SETBP1: variants seen among roughly 807,000 people sequenced by gnomAD.
SETBP1 encodes the protein SET binding protein 1.
Under a neutral mutation model 101.0 loss-of-function variants are expected in SETBP1, and 9 were observed. That is an observed-to-expected ratio of 0.09 (90% CI 0.05 to 0.16). The LOEUF is 0.16. Ranked by LOEUF, SETBP1 falls within the 10% of genes least tolerant of loss-of-function variation. The pLI, the probability that SETBP1 is intolerant of heterozygous loss-of-function variation, is 1.00. For synonymous variants in SETBP1, 818 were observed against 788.5 expected (o/e 1.04, Z -0.63); for missense variants, 1,858 against 2,033.8 (o/e 0.91, Z 1.66).
intron 2 of SETBP1, among the ~76,000 whole-genome samples, chr18:44,753,332 AG>A (rs939787355): frequency 2.3e-4 from 35 of 152,302 alleles, no homozygotes; most frequent in African/African-American, 8.2e-4. Context: ...AGATCCTAGG[AG>A]GCTGGCATGA....
intron 3 of SETBP1, among the ~76,000 whole-genome samples, chr18:44,925,897 C>T (rs1352295631): frequency 6.6e-6 from 1 of 152,020 alleles, no homozygotes; most frequent in Non-Finnish European, 1.5e-5. Flanking sequence ...GTTACTTGCC[C>T]AAGGTCATGC....
chr18:44,904,254 T>TA (rs1348717003), intron 3 of SETBP1, among the ~76,000 whole-genome samples: 1 of 152,252 alleles, frequency 6.6e-6, no homozygotes, highest in Non-Finnish European at 1.5e-5. Flanking sequence ...TTTTTTTGTT[T>TA]ATGCATAAGA....
At chr18:44,765,176 G>A (rs1031684983) in intron 2 of SETBP1, among the ~76,000 whole-genome samples, 3 of 152,044 alleles carry the variant, frequency 2.0e-5, no homozygotes, top group African/African-American at 7.3e-5. Flanking sequence ...CACTTTCCTT[G>A]TGTGTTGAAT....
chr18:44,845,359 C>A (rs1316311184), intron 2 of SETBP1, among the ~76,000 whole-genome samples: 1 of 152,174 alleles, frequency 6.6e-6, no homozygotes, highest in African/African-American at 2.4e-5. Context: ...TGCCTGACTG[C>A]AGTAATTTAC....
chr18:44,951,745 T>G lies in SETBP1; in HGVS notation c.2405T>G (p.Leu802Trp). ...PASTETNFSELKTMPNLQPIS... is the reference protein window; with the variant it reads ...PASTETNFSEWKTMPNLQPIS... ...AGCACTGAAACCAATTTTTCAGAGT[T>G]GAAAACTATGCCAAATCTCCAGCCC... Residue 802 changes from leucine (L) to tryptophan (W), a missense_variant, in exon 4 of 6, where the codon TTG (leucine) becomes TGG (tryptophan). By Grantham distance (61) the Leu-to-Trp change is moderately conservative. Coordinates refer to ENST00000649279, the MANE Select transcript of SETBP1 (RefSeq NM_015559.3). The surrounding 1 kb of genome is among the most constrained non-coding windows in gnomAD (Gnocchi z 7.8). 6.2e-7 allele frequency: 1 copy of G among 1,614,124 alleles called. No individual in the cohort carries two copies. The highest frequency in any genetic ancestry group is 8.5e-7 in the Non-Finnish European group (1 of 1,180,024).
chr18:44,822,930 G>A (rs144271726), intron 2 of SETBP1, among the ~76,000 whole-genome samples: 61 of 152,236 alleles, frequency 4.0e-4, no homozygotes, highest in Middle Eastern at 3.4e-3. Flanking sequence ...ATCACCAGAG[G>A]GTCAGGAGTT....
chr18:44,724,507 C>A (rs2069666043), intron 2 of SETBP1, among the ~76,000 whole-genome samples: 1 of 152,136 alleles, frequency 6.6e-6, no homozygotes, highest in Admixed American at 6.5e-5. Context: ...TGTCTCTCAT[C>A]CACTGTGATA....
chr18:44,923,117 T>G (rs532315546), intron 3 of SETBP1, among the ~76,000 whole-genome samples: 2 of 152,352 alleles, frequency 1.3e-5, no homozygotes, highest in Non-Finnish European at 2.9e-5. Flanking sequence ...ATAGCAGTAC[T>G]GACAGCTTCA....
At chr18:44,686,117 T>G (rs1261820405) in intron 1 of SETBP1, among the ~76,000 whole-genome samples, 2 of 152,248 alleles carry the variant, frequency 1.3e-5, no homozygotes, top group Non-Finnish European at 2.9e-5. Context: ...AAAGAACTAA[T>G]AGCAGCGTTG....
intron 1 of SETBP1, among the ~76,000 whole-genome samples, chr18:44,685,813 T>G (rs965906257): frequency 6.6e-6 from 1 of 152,186 alleles, no homozygotes; most frequent in African/African-American, 2.4e-5. Flanking sequence ...GCTCCTCGTG[T>G]TCTAATAATT....
chr18:44,776,787 C>T (rs1470973797), intron 2 of SETBP1, among the ~76,000 whole-genome samples: 1 of 152,190 alleles, frequency 6.6e-6, no homozygotes, highest in Non-Finnish European at 1.5e-5. Context: ...CACATGTGTT[C>T]ACAGATGCCC....
At chr18:45,015,043 C>G (rs529882121) in intron 4 of SETBP1, among the ~76,000 whole-genome samples, 1 of 152,242 alleles carries the variant, frequency 6.6e-6, no homozygotes, top group South Asian at 2.1e-4. Flanking sequence ...GATTCCTGAT[C>G]AGTGGCGAGC....
At chr18:44,838,621 C>T (rs2072545652) in intron 2 of SETBP1, among the ~76,000 whole-genome samples, 1 of 152,192 alleles carries the variant, frequency 6.6e-6, no homozygotes. Flanking sequence ...ACAGTTTACT[C>T]CAAGGCCCTG....
intron 3 of SETBP1, among the ~76,000 whole-genome samples, chr18:44,914,113 A>G (rs1441990724): frequency 6.6e-6 from 1 of 151,948 alleles, no homozygotes; most frequent in Non-Finnish European, 1.5e-5. Context: ...CATCGTCTCT[A>G]CTCCCAGACA....
intron 3 of SETBP1, among the ~76,000 whole-genome samples, chr18:44,917,876 G>A (rs2070476059): frequency 6.6e-6 from 1 of 152,088 alleles, no homozygotes; most frequent in African/African-American, 2.4e-5. Context: ...CCGGGAGCCA[G>A]GTTTGGAGAA....
At chr18:44,848,440 T>C (rs377470215) in intron 2 of SETBP1, among the ~76,000 whole-genome samples, 2 of 152,152 alleles carry the variant, frequency 1.3e-5, no homozygotes, top group Non-Finnish European at 2.9e-5. Flanking sequence ...TTTGCTCATA[T>C]GGAAATACAC....
chr18:44,713,022 G>GATCTCTGC (rs1332885799), intron 2 of SETBP1, among the ~76,000 whole-genome samples: 1 of 133,514 alleles, frequency 7.5e-6, no homozygotes, highest in African/African-American at 2.8e-5. Context: ...GCAGTGGTGT[G>GATCTCTGC]ATCTCTGCTT....
intron 4 of SETBP1, among the ~76,000 whole-genome samples, chr18:45,028,186 G>A (rs1166353254): frequency 8.7e-6 from 1 of 115,116 alleles, no homozygotes; most frequent in Non-Finnish European, 1.7e-5. Context: ...ACAGTCCCCA[G>A]AGTGTGATGT....
intron 2 of SETBP1, among the ~76,000 whole-genome samples, chr18:44,708,748 GAAAA>G (rs1387549633): frequency 7.6e-3 from 91 of 11,986 alleles, no homozygotes; most frequent in Non-Finnish European, 9.4e-3. Flanking sequence ...AAAAAGAAAA[GAAAA>G]GAAAAGAAAA....
Sources: gnomAD v4.1 joint callset for allele counts (sites outside exome capture counted in the v4.1 genomes callset) on GRCh38, gnomAD v4.1.1 for gene constraint, Gnocchi (gnomAD v3.1) non-coding constraint, MANE v1.5 for transcripts, NCBI Gene and HGNC (gene_info 2026-07-23, HGNC 2026-07-21) for gene names.